NARS2: variants seen among roughly 807,000 people sequenced by gnomAD.
NARS2 encodes the protein asparaginyl-tRNA synthetase 2, mitochondrial, also known as asparaginyl-tRNA synthetase.
In NARS2, 60 loss-of-function variants were observed where a neutral mutation model predicts 62.9. That is an observed-to-expected ratio of 0.95 (90% CI 0.77 to 1.18). The LOEUF (loss-of-function observed/expected upper bound fraction) is 1.18, where lower values mean the gene tolerates loss of function less well. NARS2 is among the 50% of genes most tolerant of loss of function. The probability of loss-of-function intolerance (pLI) is 0.00; values close to 1 mark genes in which losing one functional copy is unlikely to be tolerated. For missense variants in NARS2, 619 were observed against 576.4 expected (o/e 1.07, Z -0.76); for synonymous variants, 196 against 200.0 (o/e 0.98, Z 0.17).
chr11:78,563,883 C>CACAT (rs1453360896), intron 4 of NARS2, among the ~76,000 whole-genome samples: 1 of 93,138 alleles, frequency 1.1e-5, no homozygotes, highest in Non-Finnish European at 1.9e-5. Flanking sequence ...TACACACACA[C>CACAT]AGTATTATTA....
chr11:78,461,626 A>T (rs968612730), intron 11 of NARS2, among the ~76,000 whole-genome samples: 2 of 149,832 alleles, frequency 1.3e-5, no homozygotes, highest in African/African-American at 2.5e-5. Flanking sequence ...AAAAAAAAAA[A>T]AAAAATTCAA....
chr11:78,546,757 T>C (rs1026565771), intron 5 of NARS2: 1 of 152,162 alleles, frequency 6.6e-6, no homozygotes, highest in East Asian at 1.9e-4. Flanking sequence ...CTGGATAATT[T>C]TGGAAGTAGA....
chr11:78,519,201 C>A (rs369261030), intron 6 of NARS2, among the ~76,000 whole-genome samples: 1 of 152,090 alleles, frequency 6.6e-6, no homozygotes, highest in Non-Finnish European at 1.5e-5. Flanking sequence ...GTAAGAGCAT[C>A]CTGAGTACGA....
intron 1 of NARS2, among the ~76,000 whole-genome samples, chr11:78,573,793 G>A (rs922081043): frequency 3.3e-5 from 5 of 152,212 alleles, no homozygotes; most frequent in African/African-American, 4.8e-5. Flanking sequence ...ACGCATAAAC[G>A]CTATGCAGAG....
Position 78,498,745 on chromosome 11 carries a change from G to A in NARS2, c.690-5550C>T, listed in dbSNP as rs376724408. Among the ~76,000 whole-genome samples, 3 of 147,930 alleles carry A rather than the reference G, an allele frequency of 2.0e-5. No homozygotes were observed. In the South Asian group the frequency reaches 6.4e-4, roughly 32 times the overall value. The stretch of plus-strand genomic sequence containing the variant: ...TTAATAACACCAAGTACTACTTACT[G>A]TTCACAGCACCTTTCAAAATAAAAA... On this transcript the variant is annotated intron_variant, in intron 6 of 13. Transcript: ENST00000281038.
At chr11:78,499,327 G>A (rs1320196805) in intron 6 of NARS2, among the ~76,000 whole-genome samples, 1 of 151,920 alleles carries the variant, frequency 6.6e-6, no homozygotes, top group African/African-American at 2.4e-5. Context: ...TTTAAGAGAT[G>A]GGGTCTCCTA....
intron 5 of NARS2, among the ~76,000 whole-genome samples, chr11:78,536,583 T>A (rs576318330): frequency 6.6e-6 from 1 of 152,156 alleles, no homozygotes; most frequent in Admixed American, 6.5e-5. Flanking sequence ...GCTTATAGAA[T>A]AATGAAAGAA....
chr11:78,500,413 T>A (rs1312376589), intron 6 of NARS2, among the ~76,000 whole-genome samples: 1 of 152,216 alleles, frequency 6.6e-6, no homozygotes, highest in Non-Finnish European at 1.5e-5. Context: ...AACAAATGGA[T>A]CAAAGTTACT....
Position 78,568,643 on chromosome 11 carries a change from A to C in NARS2, c.361T>G (p.Cys121Gly). Residue 121 changes from cysteine (C) to glycine (G), a missense_variant, in exon 3 of 14, where the codon TGT becomes GGT. Coordinates refer to ENST00000281038, the MANE Select transcript of NARS2 (RefSeq NM_024678.6). ...KAEKIKVIGN[C>G]DAKDFPIKYK... Reference sequence around the variant, plus strand: ...GTCAGAAATCATACCTTGGCATCACAATTTCCAATAACTTTAATTTTTTCT... The same window carrying C: ...GTCAGAAATCATACCTTGGCATCACCATTTCCAATAACTTTAATTTTTTCT... The C allele has an allele frequency of 6.2e-7, 1 of 1,611,924 alleles. No homozygotes were observed. Among genetic ancestry groups the C allele is most frequent in the East Asian group, 2.2e-5 (1 of 44,806 alleles).
In NARS2 at chr11:78,436,547, TA is replaced by T. The variant is rs1429711349; in HGVS notation, c.*122del. On this transcript the variant is annotated 3_prime_UTR_variant, in exon 14 of 14. Coordinates refer to ENST00000281038, the MANE Select transcript of NARS2 (RefSeq NM_024678.6). Reference sequence around the variant, plus strand: ...CACTTATATTTTTTCTATGATATCTTATGGCACAACAATTACATATTGAAAT... The same window carrying T: ...CACTTATATTTTTTCTATGATATCTTTGGCACAACAATTACATATTGAAAT... 21 of 1,164,388 alleles carry T rather than the reference TA, an allele frequency of 1.8e-5. No individual in the cohort carries two copies. Among genetic ancestry groups the T allele is most frequent in the Non-Finnish European group, 2.3e-5 (19 of 825,412 alleles). The allele number at this position is 1,164,388 out of a possible 1,614,324, so 72.1% of individuals were successfully genotyped here.
chr11:78,486,982 C>T (rs1208163973), intron 7 of NARS2, among the ~76,000 whole-genome samples: 1 of 152,014 alleles, frequency 6.6e-6, no homozygotes, highest in African/African-American at 2.4e-5. Context: ...GGCTCATTAT[C>T]ATAATGAAGA....
chr11:78,510,423 C>T (rs562936408), intron 6 of NARS2, among the ~76,000 whole-genome samples: 1 of 152,074 alleles, frequency 6.6e-6, no homozygotes, highest in Non-Finnish European at 1.5e-5. Context: ...CAATCAGACA[C>T]AACAGTTATA....
intron 11 of NARS2, among the ~76,000 whole-genome samples, chr11:78,453,282 C>G (rs1428837477): frequency 6.6e-6 from 1 of 152,146 alleles, no homozygotes; most frequent in African/African-American, 2.4e-5. Context: ...ACATCTTCCT[C>G]CAGTTAATAT....
intron 10 of NARS2, among the ~76,000 whole-genome samples, chr11:78,466,427 T>C (rs1000873541): frequency 2.6e-5 from 4 of 152,330 alleles, no homozygotes; most frequent in East Asian, 3.9e-4. Context: ...AATTAAATGA[T>C]AGAAGATAAT....
chr11:78,438,733 A>C (rs928618489), intron 13 of NARS2, among the ~76,000 whole-genome samples: 3 of 152,246 alleles, frequency 2.0e-5, no homozygotes, highest in African/African-American at 7.2e-5. Flanking sequence ...GGAACTAGTT[A>C]CAGATTTAAT....
chr11:78,472,872 G>A (rs1031350286), intron 9 of NARS2, among the ~76,000 whole-genome samples: 5 of 152,166 alleles, frequency 3.3e-5, no homozygotes, highest in Admixed American at 2.6e-4. Flanking sequence ...GGTAGAGAGG[G>A]CACCACCACA....
chr11:78,527,226 A>G (rs1337742470), intron 6 of NARS2, among the ~76,000 whole-genome samples: 2 of 152,198 alleles, frequency 1.3e-5, no homozygotes, highest in Non-Finnish European at 2.9e-5. Flanking sequence ...AGGTCTTCAG[A>G]TGCTCTTTGA....
At chr11:78,461,918 A>G (rs1858415320) in intron 11 of NARS2, among the ~76,000 whole-genome samples, 1 of 152,082 alleles carries the variant, frequency 6.6e-6, no homozygotes, top group African/African-American at 2.4e-5. Flanking sequence ...GTGCCATTGC[A>G]CTCCAGCCTG....
At chr11:78,515,966 G>A (rs892737351) in intron 6 of NARS2, among the ~76,000 whole-genome samples, 7 of 152,168 alleles carry the variant, frequency 4.6e-5, no homozygotes, top group Non-Finnish European at 5.9e-5. Flanking sequence ...ACAGAATCAT[G>A]TCTCCTCTTT....
Sources: gnomAD v4.1 joint callset for allele counts (sites outside exome capture counted in the v4.1 genomes callset) on GRCh38, gnomAD v4.1.1 for gene constraint, MANE v1.5 for transcripts, NCBI Gene and HGNC (gene_info 2026-07-23, HGNC 2026-07-21) for gene names.